Variants in RPTOR observed in about 807,000 individuals in gnomAD.
RPTOR encodes the protein regulatory associated protein of MTOR complex 1.
A neutral mutation model predicts 169.9 loss-of-function variants in RPTOR; 21 were observed. That is an observed-to-expected ratio of 0.12 (90% CI 0.09 to 0.18). The LOEUF is 0.18. RPTOR is among the 10% of genes least tolerant of loss of function. The probability of loss-of-function intolerance (pLI) is 1.00; values close to 1 mark genes in which losing one functional copy is unlikely to be tolerated. For missense variants in RPTOR, 1,133 were observed against 1,855.9 expected (o/e 0.61, Z 7.16); for synonymous variants, 732 against 753.2 (o/e 0.97, Z 0.46).
At position 80,823,366 on chromosome 17, in the gene RPTOR, C is replaced by A; in HGVS notation, c.1136+143C>A. The A allele has an allele frequency of 1.1e-6, 1 of 913,362 alleles. No individual in the cohort carries two copies. The highest frequency in any genetic ancestry group is 1.5e-6 in the Non-Finnish European group (1 of 657,560). The allele number at this position is 913,362 out of a possible 1,614,324, so 56.6% of individuals were successfully genotyped here. A position where few individuals can be genotyped will look rare whatever the true frequency, so the allele number is the denominator to read the frequency against. ...TAGCATTAACAAGTGAAGCTAAATG[C>A]AGGGCTCCCAGAGATCTCCACACAG... On this transcript the variant is annotated intron_variant, in intron 9 of 33. Transcript: ENST00000306801. The surrounding 1 kb of genome is among the most constrained non-coding windows in gnomAD (Gnocchi z 4.5).
intron 5 of RPTOR, among the ~76,000 whole-genome samples, chr17:80,743,737 C>T (rs12941665): frequency 0.21 from 13,360 of 63,540 alleles, 1,679 homozygotes; most frequent in East Asian, 0.32. Flanking sequence ...ACAGCCCTGG[C>T]TACTAGCAGA....
rs2067487901 is a variant in RPTOR at position 80,830,210 on chromosome 17, C to G, written c.1136+6987C>G. ...TGGCATCTTCCTGGTTTCCTGGAGTCAGGGCAGCTCCACTGGCCTCAGTTT... is the reference window on the plus strand; with the variant it reads ...TGGCATCTTCCTGGTTTCCTGGAGTGAGGGCAGCTCCACTGGCCTCAGTTT... On this transcript the variant is annotated intron_variant, in intron 9 of 33. Transcript: ENST00000306801. 3.9e-5 allele frequency among the ~76,000 whole-genome samples: 6 copies of G among 152,302 alleles called. No individual in the cohort carries two copies. In the South Asian group the frequency reaches 1.2e-3, roughly 32 times the overall value.
intron 3 of RPTOR, among the ~76,000 whole-genome samples, chr17:80,655,629 T>C (rs1598196156): frequency 6.8e-6 from 1 of 148,046 alleles, no homozygotes; most frequent in African/African-American, 2.5e-5. Context: ...CAGGCTGGAG[T>C]GCGGTGGTGT....
chr17:80,716,141 A>T (rs2066237523), intron 4 of RPTOR, among the ~76,000 whole-genome samples: 1 of 152,224 alleles, frequency 6.6e-6, no homozygotes. Flanking sequence ...AGGAATCTCC[A>T]CACTGTTTTC....
At chr17:80,890,609 A>G (rs2068309831) in intron 17 of RPTOR, among the ~76,000 whole-genome samples, 1 of 152,214 alleles carries the variant, frequency 6.6e-6, no homozygotes, top group South Asian at 2.1e-4. Context: ...CCATCGGCGC[A>G]AATCAAGAGG....
At chr17:80,853,827 A>C (rs1318695720) in intron 11 of RPTOR, among the ~76,000 whole-genome samples, 5 of 152,102 alleles carry the variant, frequency 3.3e-5, no homozygotes, top group African/African-American at 9.7e-5. Context: ...AAATACAAAA[A>C]TAAATTAGCC....
intron 6 of RPTOR, among the ~76,000 whole-genome samples, chr17:80,769,919 G>A (rs1240761017): frequency 7.1e-6 from 1 of 140,956 alleles, no homozygotes; most frequent in East Asian, 2.0e-4. Flanking sequence ...GTGCTGTGCA[G>A]CTGCAGGGCT....
chr17:80,932,382 T>C (rs2068908755), intron 24 of RPTOR, among the ~76,000 whole-genome samples: 1 of 151,828 alleles, frequency 6.6e-6, no homozygotes, highest in Non-Finnish European at 1.5e-5. Flanking sequence ...CCCCCAAAAA[T>C]ATAAGACAAA....
intron 2 of RPTOR, among the ~76,000 whole-genome samples, chr17:80,630,894 AGGCTGT>A (rs1166122305): frequency 6.6e-6 from 1 of 151,214 alleles, no homozygotes; most frequent in East Asian, 1.9e-4. Flanking sequence ...ACTCAGCGCC[AGGCTGT>A]GGAGTGGTGG....
At chr17:80,709,751 C>T (rs951242845) in intron 4 of RPTOR, among the ~76,000 whole-genome samples, 9 of 152,124 alleles carry the variant, frequency 5.9e-5, no homozygotes, top group African/African-American at 2.2e-4. Flanking sequence ...CTGATTTTCT[C>T]TGATAACCAT....
chr17:80,922,996 G>A (rs547161674), intron 22 of RPTOR, among the ~76,000 whole-genome samples, 169 bp downstream of exon 22: 7 of 152,214 alleles, frequency 4.6e-5, no homozygotes, highest in South Asian at 2.1e-4. Context: ...CGGACACCCC[G>A]GTACCCGCCT....
intron 1 of RPTOR, among the ~76,000 whole-genome samples, chr17:80,556,822 G>A (rs571540246): frequency 7.9e-5 from 12 of 151,644 alleles, no homozygotes; most frequent in Admixed American, 3.9e-4. Context: ...GGCCAGGCAC[G>A]GTGGCTCACG....
intron 1 of RPTOR, among the ~76,000 whole-genome samples, chr17:80,573,338 A>T (rs983834373): frequency 6.6e-6 from 1 of 152,242 alleles, no homozygotes; most frequent in Non-Finnish European, 1.5e-5. Flanking sequence ...CTGAGCCTAT[A>T]CATCAATTTG....
chr17:80,719,091 G>A (rs914725807), intron 4 of RPTOR, among the ~76,000 whole-genome samples: 1 of 152,186 alleles, frequency 6.6e-6, no homozygotes, highest in Non-Finnish European at 1.5e-5. Context: ...TTGTGAGTAG[G>A]CCGGAGGTCC....
At chr17:80,828,603 C>T (rs964715131) in intron 9 of RPTOR, among the ~76,000 whole-genome samples, 9 of 152,234 alleles carry the variant, frequency 5.9e-5, no homozygotes, top group Non-Finnish European at 4.4e-5. Flanking sequence ...TGGCCACCCA[C>T]CTGCCTGCCC....
chr17:80,547,405 A>G (rs1278071644), intron 1 of RPTOR, among the ~76,000 whole-genome samples: 1 of 152,190 alleles, frequency 6.6e-6, no homozygotes. Context: ...CAACAGTTTG[A>G]AACTGATTAA....
In RPTOR at chr17:80,710,072, G is replaced by T. The variant is rs1203904787; in HGVS notation, c.507+2073G>T. 3.9e-5 allele frequency among the ~76,000 whole-genome samples: 6 copies of T among 151,954 alleles called. No homozygotes were observed. The East Asian group carries it at 1.2e-3, about 29-fold the overall frequency. On this transcript the variant is annotated intron_variant, in intron 4 of 33. Coordinates refer to ENST00000306801, the MANE Select transcript of RPTOR (RefSeq NM_020761.3). ...GCTCACTGCAAACTCTGCCTTCTGG[G>T]CTGAAGCATTCCTCCCACCTCAGCC...
chr17:80,895,974 T>C (rs141284142), intron 20 of RPTOR, among the ~76,000 whole-genome samples: 97 of 152,362 alleles, frequency 6.4e-4, no homozygotes, highest in Non-Finnish European at 1.3e-3. Context: ...AAAATGCATC[T>C]AATCTATGAC....
chr17:80,598,440 A>G (rs754308195), intron 1 of RPTOR, among the ~76,000 whole-genome samples: 1 of 152,184 alleles, frequency 6.6e-6, no homozygotes, highest in Non-Finnish European at 1.5e-5. Context: ...TCTGGGTTGT[A>G]CTGTTTTTGA....
Sources: gnomAD v4.1 joint callset for allele counts (sites outside exome capture counted in the v4.1 genomes callset) on GRCh38, gnomAD v4.1.1 for gene constraint, Gnocchi (gnomAD v3.1) non-coding constraint, MANE v1.5 for transcripts, NCBI Gene and HGNC (gene_info 2026-07-23, HGNC 2026-07-21) for gene names.